The following GRIP2 variants were observed in gnomAD, a reference collection of about 807,000 sequenced individuals.
GRIP2 encodes the protein glutamate receptor-interacting protein 2.
Under a neutral mutation model 108.3 loss-of-function variants are expected in GRIP2, and 58 were observed. That is an observed-to-expected ratio of 0.54 (90% confidence interval 0.43 to 0.67). The LOEUF is 0.67. GRIP2 is among the 30% of genes least tolerant of loss of function. The pLI is 0.00. For synonymous variants in GRIP2, 586 were observed against 598.2 expected (o/e 0.98, Z 0.30); for missense variants, 1,278 against 1,430.6 (o/e 0.89, Z 1.72).
In GRIP2 at chr3:14,505,905, G is replaced by GA; in HGVS notation, c.2399-117_2399-116insT. On this transcript the variant is annotated intron_variant, in intron 19 of 23. Transcript: ENST00000621039. This position sits in a 1 kb window ranked among gnomAD's most constrained non-coding sequence, Gnocchi z 4.2. ...GAGGTCGTTGCTCCTCTCTGGGCCT[G>GA]CATCTACACAGCCCTCTGAGGGCCT... 1 of 897,086 alleles carries GA rather than the reference G, an allele frequency of 1.1e-6. No individual in the cohort carries two copies. The highest frequency in any genetic ancestry group is 1.6e-6 in the Non-Finnish European group (1 of 626,176). The allele number at this position is 897,086 out of a possible 1,614,324, so 55.6% of individuals were successfully genotyped here.
intron 1 of GRIP2, among the ~76,000 whole-genome samples, chr3:14,538,975 G>A (rs1694898729): frequency 6.6e-6 from 1 of 152,224 alleles, no homozygotes; most frequent in African/African-American, 2.4e-5. Context: ...GACCACAGCA[G>A]ACCAAGGTGA....
chr3:14,568,661 G>A, the GRIP2 span, among the ~76,000 whole-genome samples: 1 of 152,220 alleles, frequency 6.6e-6, no homozygotes, highest in Non-Finnish European at 1.5e-5. Flanking sequence ...CAGCTACAGA[G>A]CAAAACTGGG....
upstream of GRIP2, chr3:14,540,508 C>A: frequency 8.0e-7 from 1 of 1,244,350 alleles, no homozygotes; most frequent in Non-Finnish European, 1.1e-6. This position sits in a 1 kb window ranked among gnomAD's most constrained non-coding sequence, Gnocchi z 4.1. Flanking sequence ...AGGACAGGGT[C>A]CAACATGCCC....
At chr3:14,560,432 A>G (rs890926141), upstream of GRIP2, among the ~76,000 whole-genome samples, 1 of 151,856 alleles carries the variant, frequency 6.6e-6, no homozygotes, top group Non-Finnish European at 1.5e-5. Flanking sequence ...CCAGGGGAGG[A>G]GCTTTGTCTT....
At chr3:14,573,357 G>A in the GRIP2 span, 3 of 1,345,530 alleles carry the variant, frequency 2.2e-6, no homozygotes, top group Non-Finnish European at 3.2e-6. Context: ...GTGCCACCCT[G>A]CCAGCTTCTC....
In GRIP2 at chr3:14,527,610, C is replaced by T. The variant is rs1056800220; in HGVS notation, c.41-1679G>A. ...ATTCTTCACTTTTTAGCATTTAGAC[C>T]GGGGGATGGTGGCTCACACCTGTAA... is the stretch of plus-strand genomic sequence containing the variant. On this transcript the variant is annotated intron_variant, in intron 1 of 23. Transcript: ENST00000621039. Among the ~76,000 whole-genome samples the T allele has an allele frequency of 6.6e-5, 10 of 152,152 alleles. No individual in the cohort carries two copies. The East Asian group carries it at 1.5e-3, about 24-fold the overall frequency.
the GRIP2 span, among the ~76,000 whole-genome samples, chr3:14,592,684 C>T: frequency 6.6e-6 from 1 of 152,160 alleles, no homozygotes; most frequent in Non-Finnish European, 1.5e-5. Context: ...ACCCAACAAG[C>T]CACGCTTCCC....
At chr3:14,503,305 A>G (rs115929685) in intron 21 of GRIP2, among the ~76,000 whole-genome samples, 111 of 152,360 alleles carry the variant, frequency 7.3e-4, no homozygotes, top group Admixed American at 2.5e-3. Flanking sequence ...CTCCCAATGT[A>G]CACATGATGA....
the GRIP2 span, among the ~76,000 whole-genome samples, chr3:14,592,222 A>G: frequency 2.9e-3 from 448 of 152,276 alleles, 2 homozygotes; most frequent in African/African-American, 0.01. Context: ...GAGTGGGGGA[A>G]CTTTCAGAGA....
the GRIP2 span, among the ~76,000 whole-genome samples, chr3:14,562,748 TC>T: frequency 1.1e-5 from 1 of 92,264 alleles, no homozygotes. Context: ...AGGCAGACGG[TC>T]CTCGGACTCC....
chr3:14,542,028 C>T (rs775671507), upstream of GRIP2: 6 of 1,353,904 alleles, frequency 4.4e-6, no homozygotes, highest in Non-Finnish European at 3.0e-6. Context: ...CCTCACCCCA[C>T]TCGCCTCCAT....
intron 1 of GRIP2, among the ~76,000 whole-genome samples, chr3:14,550,396 C>CA (rs200496906): frequency 0.016 from 2,488 of 152,346 alleles, 84 homozygotes; most frequent in African/African-American, 0.057. Flanking sequence ...CTCTCAGTCC[C>CA]ACTGTGTCAA....
At chr3:14,591,491 C>T in the GRIP2 span, among the ~76,000 whole-genome samples, 6 of 152,022 alleles carry the variant, frequency 3.9e-5, no homozygotes, top group South Asian at 2.1e-4. Flanking sequence ...ATCAGACCTA[C>T]GCTCAGTCAG....
At position 14,517,053 on chromosome 3, in the gene GRIP2, C is replaced by T. The variant is rs1418863628; in HGVS notation, c.1306+11G>A. ...AGCAGCCCAAGGAGGAGGGAAGAGA[C>T]CACAGCTTACACGAGCTCTTGTGTT... On this transcript the variant is annotated intron_variant, in intron 11 of 23. Coordinates refer to ENST00000621039, the MANE Select transcript of GRIP2 (RefSeq NM_001080423.4). 6.5e-7 allele frequency: 1 copy of T among 1,532,668 alleles called. No homozygotes were observed. The highest frequency in any genetic ancestry group is 1.4e-5 in the African/African-American group (1 of 71,986). 94.9% of individuals were successfully genotyped at this position (1,532,668 alleles called of 1,614,324 possible).
the GRIP2 span, chr3:14,573,975 T>A: frequency 1.8e-6 from 2 of 1,092,066 alleles, no homozygotes; most frequent in Non-Finnish European, 2.8e-6. Flanking sequence ...CTGCGGATCC[T>A]GGCATATGCA....
intron 1 of GRIP2, among the ~76,000 whole-genome samples, chr3:14,555,409 C>T (rs1695221631): frequency 6.6e-6 from 1 of 152,032 alleles, no homozygotes; most frequent in Non-Finnish European, 1.5e-5. Flanking sequence ...ATGAAGGAGA[C>T]ACACAGGAAA....
At chr3:14,588,111 C>T in the GRIP2 span, among the ~76,000 whole-genome samples, 2 of 152,232 alleles carry the variant, frequency 1.3e-5, no homozygotes, top group African/African-American at 2.4e-5. Flanking sequence ...CTGGGCATGG[C>T]TCCTGCACCC....
the GRIP2 span, among the ~76,000 whole-genome samples, chr3:14,562,481 G>A: frequency 0.012 from 1,852 of 152,264 alleles, 15 homozygotes; most frequent in Non-Finnish European, 0.02. Flanking sequence ...CTTTGGGGGT[G>A]GTTAAGATAC....
intron 1 of GRIP2, 139 bp from the exon 2 acceptor site, chr3:14,526,070 T>C: frequency 1.4e-6 from 1 of 706,846 alleles, no homozygotes; most frequent in Non-Finnish European, 2.5e-6. Flanking sequence ...CACCCGATTC[T>C]CTGCTGGAGA....
Sources: gnomAD v4.1 joint callset for allele counts (sites outside exome capture counted in the v4.1 genomes callset) on GRCh38, gnomAD v4.1.1 for gene constraint, Gnocchi (gnomAD v3.1) non-coding constraint, MANE v1.5 for transcripts, NCBI Gene and HGNC (gene_info 2026-07-23, HGNC 2026-07-21) for gene names.